The following TTF1 variants were observed in gnomAD, a reference collection of about 807,000 sequenced individuals.
TTF1 encodes transcription termination factor, RNA polymerase I.
In TTF1, 64 loss-of-function variants were observed where a neutral mutation model predicts 80.2. The observed-to-expected ratio is 0.80, with a 90% CI of 0.65 to 0.98. The LOEUF (loss-of-function observed/expected upper bound fraction) is 0.98. TTF1 is among the 50% of genes least tolerant of loss of function. The probability of loss-of-function intolerance (pLI) is 0.00; values close to 1 mark genes in which losing one functional copy is unlikely to be tolerated. For missense variants in TTF1, 1,023 were observed against 1,086.2 expected, an observed-to-expected ratio of 0.94 and a Z score of 0.82; for synonymous variants, 372 against 382.7, an observed-to-expected ratio of 0.97 and a Z score of 0.33.
In TTF1 at chr9:132,375,943, A is replaced by G; in HGVS notation, c.2690T>C (p.Leu897Ser). The change falls in exon 11 of 11, where the codon TTG (leucine) becomes TCG (serine). Residue 897 changes from leucine (L) to serine (S), a missense_variant. By Grantham distance (145) the Leu-to-Ser change is moderately radical. Coordinates refer to ENST00000334270, the MANE Select transcript of TTF1 (RefSeq NM_007344.4). ...GATGATCCACCGGCCTTGGCCTCCC[A>G]AAGTACTGGAATTACAGGCGTGAGC... ...CMAHACNSST[L>S]GGQGRWII 1.9e-6 allele frequency: 3 copies of G among 1,605,632 alleles called. No individual in the cohort carries two copies. The highest frequency in any genetic ancestry group is 2.2e-5 in the East Asian group (1 of 44,814).
chr9:132,403,026 T>G (rs1052535261), intron 1 of TTF1, among the ~76,000 whole-genome samples, 198 bp from the exon 2 acceptor site: 1 of 152,116 alleles, frequency 6.6e-6, no homozygotes, highest in Non-Finnish European at 1.5e-5. Context: ...CAGCTAATTT[T>G]GTTTTTGTAT....
intron 2 of TTF1, 73 bp from the exon 3 acceptor site, chr9:132,400,331 CT>C (rs1248158626): frequency 1.6e-5 from 21 of 1,339,816 alleles, no homozygotes; most frequent in East Asian, 7.0e-5. Context: ...ATTTTTCCTT[CT>C]TTTTTTTCGT....
chr9:132,398,021 C>A, intron 4 of TTF1, 120 bp downstream of exon 4: 1 of 712,376 alleles, frequency 1.4e-6, no homozygotes, highest in Non-Finnish European at 2.2e-6. Flanking sequence ...GCCATCACAG[C>A]AGTTAATGTG....
At chr9:132,380,229 C>T (rs373337734) in intron 9 of TTF1, among the ~76,000 whole-genome samples, 66 of 152,174 alleles carry the variant, frequency 4.3e-4, no homozygotes, top group African/African-American at 1.4e-3. Flanking sequence ...ACCACCACGC[C>T]CAGCTAAATT....
chr9:132,398,964 G>A (rs1180392104), intron 3 of TTF1, among the ~76,000 whole-genome samples: 3 of 152,084 alleles, frequency 2.0e-5, no homozygotes, highest in Non-Finnish European at 4.4e-5. Flanking sequence ...TTGGGAGGCC[G>A]AGACAGGCGA....
chr9:132,385,857 T>C (rs1849457397), intron 9 of TTF1, among the ~76,000 whole-genome samples: 1 of 152,184 alleles, frequency 6.6e-6, no homozygotes, highest in Admixed American at 6.5e-5. Flanking sequence ...TTTAGGTTAA[T>C]TCTATACTAT....
rs1382030428 is a variant in TTF1, at chr9:132,377,882, TGTGTGA to T, written c.2464+1171_2464+1176del. Among the ~76,000 whole-genome samples the T allele has an allele frequency of 2.6e-5, 3 of 117,240 alleles. No homozygotes were observed. In the East Asian group the frequency reaches 7.9e-4, roughly 31 times the overall value. 76.9% of individuals were successfully genotyped at this position (117,240 alleles called of 152,430 possible). A position where few individuals can be genotyped will look rare whatever the true frequency, so the allele number is the denominator to read the frequency against. On this transcript the variant is annotated intron_variant, in intron 10 of 10. Coordinates refer to ENST00000334270, the MANE Select transcript of TTF1 (RefSeq NM_007344.4). ...GTGGTGTGAGTGCATGCATGTGGTG[TGTGTGA>T]GTGCATGTGGTGTGAGTGCATGTGT...
intron 5 of TTF1, among the ~76,000 whole-genome samples, chr9:132,395,381 GACTCTAAAAATT>G (rs1212080833): frequency 1.3e-5 from 2 of 152,072 alleles, no homozygotes; most frequent in Admixed American, 6.5e-5. Context: ...TTTTTAGAAT[GACTCTAAAAATT>G]ACTCTAAAAA....
intron 10 of TTF1, among the ~76,000 whole-genome samples, chr9:132,376,437 A>G (rs1849177860): frequency 6.6e-6 from 1 of 152,184 alleles, no homozygotes; most frequent in African/African-American, 2.4e-5. Context: ...ATTCATAAGG[A>G]TTCAAACTCG....
At chr9:132,382,839 G>A (rs576951331) in intron 9 of TTF1, among the ~76,000 whole-genome samples, 1 of 151,992 alleles carries the variant, frequency 6.6e-6, no homozygotes, top group East Asian at 1.9e-4. Flanking sequence ...GCTGAGGTGG[G>A]TGGATCACTT....
chr9:132,400,330 T>A, intron 2 of TTF1, 72 bp from the exon 3 acceptor site: 1 of 1,337,242 alleles, frequency 7.5e-7, no homozygotes, highest in Non-Finnish European at 1.1e-6. Context: ...AATTTTTCCT[T>A]CTTTTTTTTC....
chr9:132,400,958 G>T (rs1268946713), intron 2 of TTF1, among the ~76,000 whole-genome samples: 1 of 152,140 alleles, frequency 6.6e-6, no homozygotes, highest in African/African-American at 2.4e-5. Context: ...TAAACTACCT[G>T]CCAAGTTTAC....
chr9:132,378,712 TGTG>T (rs1485450624), intron 10 of TTF1, among the ~76,000 whole-genome samples: 1 of 150,472 alleles, frequency 6.6e-6, no homozygotes, highest in Non-Finnish European at 1.5e-5. Context: ...TGTGAGTGCA[TGTG>T]GTGTGTGTGA....
intron 10 of TTF1, among the ~76,000 whole-genome samples, 196 bp from the exon 11 acceptor site, chr9:132,376,364 CTTGT>C (rs1849176588): frequency 6.6e-6 from 1 of 152,146 alleles, no homozygotes; most frequent in East Asian, 1.9e-4. Flanking sequence ...CTGTTTTTAA[CTTGT>C]TTTTCAATTG....
At position 132,392,192 on chromosome 9, in the gene TTF1, T is replaced by C. The variant is rs1361745474; in HGVS notation, c.1871A>G (p.Asp624Gly). Residue 624 changes from aspartate (D) to glycine (G), a missense_variant, in exon 6 of 11, where the codon GAT (aspartate) becomes GGT (glycine). By Grantham distance (94) the Asp-to-Gly change is moderately conservative. Coordinates refer to ENST00000334270, the MANE Select transcript of TTF1 (RefSeq NM_007344.4). ...ATGGTACATCTTTAACTTCTCAGTA[T>C]CTCCTTCGCTATACCTAGGAGAAAG... is the stretch of plus-strand genomic sequence containing the variant. ...NNYKGRYSEGDTEKLKMYHSL... is the reference protein window; with the variant it reads ...NNYKGRYSEGGTEKLKMYHSL... The C allele has an allele frequency of 1.2e-6, 2 of 1,614,132 alleles. No individual in the cohort carries two copies. Among genetic ancestry groups the C allele is most frequent in the Non-Finnish European group, 1.7e-6 (2 of 1,180,010 alleles).
intron 6 of TTF1, among the ~76,000 whole-genome samples, chr9:132,391,351 G>C (rs1256132831): frequency 1.3e-5 from 2 of 152,098 alleles, no homozygotes; most frequent in African/African-American, 2.4e-5. Flanking sequence ...AGACATTCAC[G>C]GTCACGCTAA....
chr9:132,405,268 G>A (rs981517937), intron 1 of TTF1, among the ~76,000 whole-genome samples: 17 of 151,706 alleles, frequency 1.1e-4, no homozygotes, highest in African/African-American at 3.9e-4. Context: ...GCAGTGGCAC[G>A]ATCTCGGCTC....
intron 2 of TTF1, among the ~76,000 whole-genome samples, chr9:132,400,746 T>A (rs1244498845): frequency 1.3e-5 from 2 of 152,224 alleles, no homozygotes; most frequent in Non-Finnish European, 2.9e-5. Flanking sequence ...CTTGGATATA[T>A]CTCAGAGGGA....
At position 132,398,449 on chromosome 9, in the gene TTF1, C is replaced by T. The variant is rs555373104; in HGVS notation, c.1592-123G>A. 24 of 962,162 alleles carry T rather than the reference C, an allele frequency of 2.5e-5. No individual in the cohort carries two copies. In the East Asian group the frequency reaches 2.8e-4, roughly 11 times the overall value. The allele number at this position is 962,162 out of a possible 1,614,324, so 59.6% of individuals were successfully genotyped here. The stretch of plus-strand genomic sequence containing the variant: ...CCCAACAGTCCCAACACCTGACATT[C>T]GCCCTCCTGCCCGCACTTGCAGATT... On this transcript the variant is annotated intron_variant, in intron 3 of 10. Coordinates refer to ENST00000334270, the MANE Select transcript of TTF1 (RefSeq NM_007344.4).
Sources: allele counts gnomAD v4.1 joint callset (sites outside exome capture counted in the v4.1 genomes callset), GRCh38; gene constraint gnomAD v4.1.1; transcripts MANE v1.5; gene names NCBI Gene and HGNC (gene_info 2026-07-23, HGNC 2026-07-21).